USP34: variants seen among roughly 807,000 people sequenced by gnomAD.
The protein encoded by USP34 is ubiquitin carboxyl-terminal hydrolase 34.
USP34 carries 70 observed loss-of-function variants against 460.3 expected under a neutral mutation model. That is an observed-to-expected ratio of 0.15 (90% CI 0.13 to 0.19). USP34 has a LOEUF of 0.19. Among genes scored for constraint, USP34 ranks in the 10% least tolerant of loss-of-function variants. The pLI, the probability that USP34 is intolerant of heterozygous loss-of-function variation, is 1.00. For missense variants in USP34, 3,985 were observed against 4,236.2 expected, an observed-to-expected ratio of 0.94 and a Z score of 1.65; for synonymous variants, 1,647 against 1,405.3, an observed-to-expected ratio of 1.17 and a Z score of -3.85.
chr2:61,372,528 C>T (rs540394437), intron 8 of USP34, among the ~76,000 whole-genome samples: 2 of 152,172 alleles, frequency 1.3e-5, no homozygotes, highest in South Asian at 4.2e-4. Context: ...CTAGGAGTTC[C>T]AGGCCAGGCT....
intron 53 of USP34, among the ~76,000 whole-genome samples, chr2:61,236,675 A>G (rs1346176811): frequency 6.6e-6 from 1 of 152,222 alleles, no homozygotes; most frequent in African/African-American, 2.4e-5. Context: ...GAGCAAGTAT[A>G]TAATTGAATG....
chr2:61,338,815 CAAAAAAA>C (rs2103750958), intron 18 of USP34, among the ~76,000 whole-genome samples: 2 of 151,904 alleles, frequency 1.3e-5, no homozygotes, highest in East Asian at 3.9e-4. Context: ...AACCAAAAAA[CAAAAAAA>C]GACTTTTGAG....
intron 62 of USP34, among the ~76,000 whole-genome samples, chr2:61,225,594 G>T (rs1157758707): frequency 6.6e-6 from 1 of 151,532 alleles, no homozygotes; most frequent in African/African-American, 2.4e-5. Flanking sequence ...AAAAAAAAAA[G>T]TTTTTGATTT....
chr2:61,336,722 A>C (rs1479275374), intron 18 of USP34, among the ~76,000 whole-genome samples: 1 of 149,758 alleles, frequency 6.7e-6, no homozygotes, highest in Non-Finnish European at 1.5e-5. Flanking sequence ...AGGCAGGAGA[A>C]TCACTTGAAC....
intron 69 of USP34, among the ~76,000 whole-genome samples, chr2:61,210,829 G>GC (rs376596070): frequency 6.6e-5 from 10 of 152,054 alleles, no homozygotes; most frequent in African/African-American, 2.2e-4. Flanking sequence ...TCCCACCTCA[G>GC]CCCCCCGAGG....
At chr2:61,375,540 C>T (rs1309705602) in intron 8 of USP34, among the ~76,000 whole-genome samples, 1 of 152,156 alleles carries the variant, frequency 6.6e-6, no homozygotes, top group Admixed American at 6.5e-5. Context: ...GAGGCCAAGG[C>T]AGGCGGATCA....
chr2:61,433,413 C>T (rs1407925288), intron 1 of USP34, among the ~76,000 whole-genome samples: 1 of 152,152 alleles, frequency 6.6e-6, no homozygotes. Flanking sequence ...GCAGGCGGAT[C>T]ACTTGAGGTC....
At chr2:61,325,599 A>G (rs1479153027) in intron 20 of USP34, 142 bp from the exon 21 acceptor site, 11 of 461,382 alleles carry the variant, frequency 2.4e-5, no homozygotes, top group Non-Finnish European at 4.0e-5. Flanking sequence ...TGGTTACACG[A>G]AAGAAGTTCA....
In USP34 at chr2:61,214,621, C is replaced by T; in HGVS notation, c.8121G>A (p.Leu2707=). ...FRQMFRSTRS[L]HIPTRDLPLS... ...GTGGAAGGTCACGGGTTGGGATGTGCAAAGACCTTGTTGACCGGAACATCT... is the reference window on the plus strand; with the variant it reads ...GTGGAAGGTCACGGGTTGGGATGTGTAAAGACCTTGTTGACCGGAACATCT... The change falls in exon 68 of 80, where the codon TTG becomes TTA. Residue 2707 remains leucine, a synonymous_variant. Coordinates refer to ENST00000398571, the MANE Select transcript of USP34 (RefSeq NM_014709.4). The T allele has an allele frequency of 6.2e-7, 1 of 1,614,134 alleles. No homozygotes were observed. The highest frequency in any genetic ancestry group is 8.5e-7 in the Non-Finnish European group (1 of 1,180,002).
chr2:61,300,189 C>A (rs1308896011), intron 29 of USP34, among the ~76,000 whole-genome samples: 5 of 152,126 alleles, frequency 3.3e-5, no homozygotes. Flanking sequence ...TGTTTAAAAT[C>A]TTTTAATGTT....
At chr2:61,399,768 G>T (rs562678006) in intron 3 of USP34, among the ~76,000 whole-genome samples, 6 of 150,918 alleles carry the variant, frequency 4.0e-5, no homozygotes, top group Non-Finnish European at 7.4e-5. Flanking sequence ...AACTACTCGG[G>T]ACGCTGAGGC....
intron 27 of USP34, among the ~76,000 whole-genome samples, chr2:61,308,106 T>C (rs1290302240): frequency 6.6e-6 from 1 of 151,664 alleles, no homozygotes; most frequent in South Asian, 2.1e-4. Flanking sequence ...AGAAACAAAA[T>C]AGAAACTCAG....
intron 1 of USP34, among the ~76,000 whole-genome samples, chr2:61,421,961 T>A (rs953455236): frequency 1.3e-5 from 2 of 152,024 alleles, no homozygotes; most frequent in Non-Finnish European, 2.9e-5. Flanking sequence ...TAAAAAAAAA[T>A]TACCTTGGTC....
At chr2:61,205,413 C>A (rs762810553) in intron 72 of USP34, among the ~76,000 whole-genome samples, 2 of 152,068 alleles carry the variant, frequency 1.3e-5, no homozygotes, top group Non-Finnish European at 2.9e-5. Flanking sequence ...AGTAATTGCA[C>A]AGAACGTCAA....
chr2:61,333,158 T>C (rs764978380), intron 19 of USP34, among the ~76,000 whole-genome samples: 1 of 152,072 alleles, frequency 6.6e-6, no homozygotes, highest in African/African-American at 2.4e-5. Flanking sequence ...TCTAGACTTA[T>C]TACCAAAACA....
At chr2:61,262,710 A>G (rs902102354) in intron 43 of USP34, among the ~76,000 whole-genome samples, 3 of 152,188 alleles carry the variant, frequency 2.0e-5, no homozygotes, top group Non-Finnish European at 4.4e-5. Flanking sequence ...CCAATGGAAT[A>G]GCTGAGCCGA....
intron 1 of USP34, among the ~76,000 whole-genome samples, chr2:61,429,558 T>C: frequency 6.6e-6 from 1 of 151,786 alleles, no homozygotes. Context: ...GCACAGGCAG[T>C]CGAGGTTGCA....
chr2:61,344,103 C>G (rs1691688097), intron 15 of USP34, 74 bp from the exon 16 acceptor site: 1 of 1,381,926 alleles, frequency 7.2e-7, no homozygotes, highest in Non-Finnish European at 1.0e-6. Flanking sequence ...AAAAATACCT[C>G]TCTTAAACTT....
intron 8 of USP34, among the ~76,000 whole-genome samples, chr2:61,376,826 T>C (rs566187542): frequency 6.6e-6 from 1 of 152,290 alleles, no homozygotes; most frequent in South Asian, 2.1e-4. Flanking sequence ...GTATTTACAG[T>C]AGAGATGGAA....
Sources: gnomAD v4.1 joint callset for allele counts (sites outside exome capture counted in the v4.1 genomes callset) on GRCh38, gnomAD v4.1.1 for gene constraint, MANE v1.5 for transcripts, NCBI Gene and HGNC (gene_info 2026-07-23, HGNC 2026-07-21) for gene names.